PPP2R3A: variants seen among roughly 807,000 people sequenced by gnomAD.
The protein encoded by PPP2R3A is protein phosphatase 2 regulatory subunit B''alpha.
A neutral mutation model predicts 106.9 loss-of-function variants in PPP2R3A; 80 were observed. That is an observed-to-expected ratio of 0.75 (90% CI 0.62 to 0.90). PPP2R3A has a LOEUF of 0.90. Ranked by LOEUF, PPP2R3A falls within the 40% of genes least tolerant of loss-of-function variation. The probability of loss-of-function intolerance (pLI) is 0.00; values close to 1 mark genes in which losing one functional copy is unlikely to be tolerated. For missense variants in PPP2R3A, 1,386 were observed against 1,350.4 expected (o/e 1.03, Z -0.41); for synonymous variants, 483 against 468.3 (o/e 1.03, Z -0.41).
intron 6 of PPP2R3A, among the ~76,000 whole-genome samples, chr3:136,073,904 A>T (rs1418093270): frequency 6.6e-6 from 1 of 152,228 alleles, no homozygotes; most frequent in Non-Finnish European, 1.5e-5. Context: ...GTTGTTAGAC[A>T]TAAAAGTGAC....
rs758084616 is a variant in PPP2R3A, at chr3:136,090,606, A to G, written c.2866A>G (p.Met956Val). 9 of 1,613,586 alleles carry G rather than the reference A, an allele frequency of 5.6e-6. No individual in the cohort carries two copies. In the African/African-American group the frequency reaches 1.1e-4, roughly 19 times the overall value. Residue 956 changes from methionine (M) to valine (V), a missense_variant, in exon 10 of 14, where the codon ATG becomes GTG. By Grantham distance (21) the Met-to-Val change is conservative. Coordinates refer to ENST00000264977, the MANE Select transcript of PPP2R3A (RefSeq NM_002718.5). ...AAAAACAATACAGAAAGAGGGAAGA[A>G]TGAGCTATGCAGATTTTGTTTGGTT... ...RGKTIQKEGR[M>V]SYADFVWFLI...
At chr3:136,133,630 G>C (rs184942701) in intron 13 of PPP2R3A, among the ~76,000 whole-genome samples, 3 of 152,056 alleles carry the variant, frequency 2.0e-5, no homozygotes, top group Admixed American at 2.0e-4. Context: ...ATCTACCTAA[G>C]AGAAAAGCTC....
chr3:136,013,000 T>G (rs1480117568), intron 2 of PPP2R3A, among the ~76,000 whole-genome samples: 1 of 152,208 alleles, frequency 6.6e-6, no homozygotes, highest in Non-Finnish European at 1.5e-5. Context: ...CTTATGCCTT[T>G]GCATCCTCAT....
intron 4 of PPP2R3A, among the ~76,000 whole-genome samples, chr3:136,043,871 T>C (rs1032174837): frequency 4.6e-5 from 7 of 152,240 alleles, no homozygotes; most frequent in Non-Finnish European, 1.0e-4. Flanking sequence ...TTCATGACTT[T>C]TATCATCTTT....
At position 136,062,351 on chromosome 3, in the gene PPP2R3A, G is replaced by A. The variant is rs1487718313; in HGVS notation, c.2470-8127G>A. On this transcript the variant is annotated intron_variant, in intron 5 of 13. Coordinates refer to ENST00000264977, the MANE Select transcript of PPP2R3A (RefSeq NM_002718.5). The stretch of plus-strand genomic sequence containing the variant: ...CAGCCAGTTCAGAAGAGAGAAGGTG[G>A]TAAAATTCCTCCAAGCAGGTCTTCT... Among the ~76,000 whole-genome samples, 3 of 152,236 alleles carry A rather than the reference G, an allele frequency of 2.0e-5. No individual in the cohort carries two copies. The East Asian group carries it at 5.8e-4, about 29-fold the overall frequency.
At chr3:136,059,655 C>A (rs1235828522) in intron 5 of PPP2R3A, among the ~76,000 whole-genome samples, 1 of 152,214 alleles carries the variant, frequency 6.6e-6, no homozygotes, top group Non-Finnish European at 1.5e-5. Flanking sequence ...ATAAATCATT[C>A]TCTTATGAAG....
chr3:136,072,414 A>C (rs1576480677), intron 6 of PPP2R3A, among the ~76,000 whole-genome samples: 1 of 152,288 alleles, frequency 6.6e-6, no homozygotes, highest in Admixed American at 6.5e-5. Context: ...CAACATGGTG[A>C]AACCCCGTCT....
At chr3:136,015,975 G>A (rs1466813435) in intron 2 of PPP2R3A, among the ~76,000 whole-genome samples, 1 of 151,890 alleles carries the variant, frequency 6.6e-6, no homozygotes, top group African/African-American at 2.4e-5. Context: ...TTTAATCTTA[G>A]CACCACTTTT....
chr3:136,016,425 C>T (rs1934269587), intron 2 of PPP2R3A, among the ~76,000 whole-genome samples: 1 of 152,032 alleles, frequency 6.6e-6, no homozygotes, highest in Admixed American at 6.6e-5. Flanking sequence ...TATTAAAGTC[C>T]CCCACTATTA....
intron 13 of PPP2R3A, among the ~76,000 whole-genome samples, chr3:136,109,811 C>T (rs1195008188): frequency 2.0e-5 from 3 of 152,116 alleles, no homozygotes; most frequent in Non-Finnish European, 4.4e-5. Flanking sequence ...AGAAGGAAAG[C>T]AGATGGGATC....
At chr3:135,975,822 A>G (rs960737061) in intron 1 of PPP2R3A, among the ~76,000 whole-genome samples, 1 of 152,076 alleles carries the variant, frequency 6.6e-6, no homozygotes, top group African/African-American at 2.4e-5. Context: ...ATCTGTACTA[A>G]TATTACATAT....
intron 6 of PPP2R3A, among the ~76,000 whole-genome samples, chr3:136,075,982 G>A (rs1270740343): frequency 1.3e-5 from 2 of 152,104 alleles, no homozygotes; most frequent in African/African-American, 4.8e-5. Flanking sequence ...ACAGTATTGA[G>A]TAAGACATGT....
At chr3:136,013,057 A>G (rs1934137506) in intron 2 of PPP2R3A, among the ~76,000 whole-genome samples, 1 of 152,122 alleles carries the variant, frequency 6.6e-6, no homozygotes, top group Non-Finnish European at 1.5e-5. Context: ...TTGGCTTTCC[A>G]TTCCTGAGTT....
chr3:136,051,055 A>G (rs887871432), intron 5 of PPP2R3A, among the ~76,000 whole-genome samples: 2 of 152,214 alleles, frequency 1.3e-5, no homozygotes, highest in African/African-American at 4.8e-5. Context: ...GTTACATATC[A>G]GTATTGCACC....
At chr3:135,996,093 C>G (rs1933385812) in intron 1 of PPP2R3A, among the ~76,000 whole-genome samples, 1 of 152,090 alleles carries the variant, frequency 6.6e-6, no homozygotes. Context: ...ACAGTTCTGC[C>G]TGACCAATAG....
At position 136,146,995 on chromosome 3, in the gene PPP2R3A, T is replaced by C. The variant is rs1046073694; in HGVS notation, c.*1829T>C. ...ATTTTACAATATACATTTTTTTTTT[T>C]AACTATTTGGCTTTACCTTTTTACC... On this transcript the variant is annotated 3_prime_UTR_variant, in exon 14 of 14. Coordinates refer to ENST00000264977, the MANE Select transcript of PPP2R3A (RefSeq NM_002718.5). 6.6e-6 allele frequency: 1 copy of C among 152,038 alleles called. No individual in the cohort carries two copies. Among genetic ancestry groups the C allele is most frequent in the Non-Finnish European group, 1.5e-5 (1 of 67,996 alleles). The allele number at this position is 152,038 out of a possible 1,614,324, so 9.4% of individuals were successfully genotyped here.
intron 10 of PPP2R3A, among the ~76,000 whole-genome samples, chr3:136,093,817 G>A (rs958025203): frequency 6.6e-5 from 10 of 152,292 alleles, no homozygotes; most frequent in African/African-American, 2.2e-4. Context: ...TGGTGCAGCC[G>A]TTACAGAAAA....
rs369129067 is a variant in PPP2R3A at position 136,040,851 on chromosome 3, A to C, written c.2263-8A>C. ...TTGGCTTACCCTGTATGTGTTTTCTATTTGCAGGTCTGTGGCTGTCCTCTC... is the reference window on the plus strand; with the variant it reads ...TTGGCTTACCCTGTATGTGTTTTCTCTTTGCAGGTCTGTGGCTGTCCTCTC... On this transcript the variant is annotated splice_region_variant and splice_polypyrimidine_tract_variant and intron_variant, in intron 3 of 13. Coordinates refer to ENST00000264977, the MANE Select transcript of PPP2R3A (RefSeq NM_002718.5). The C allele has an allele frequency of 3.7e-6, 6 of 1,608,052 alleles. No homozygotes were observed. The highest frequency in any genetic ancestry group is 2.2e-5 in the South Asian group (2 of 89,588).
At chr3:136,107,955 G>A (rs533113303) in intron 13 of PPP2R3A, among the ~76,000 whole-genome samples, 1 of 152,312 alleles carries the variant, frequency 6.6e-6, no homozygotes, top group African/African-American at 2.4e-5. Context: ...ACTCATGGCT[G>A]TAATCCCAGC....
Sources: allele counts gnomAD v4.1 joint callset (sites outside exome capture counted in the v4.1 genomes callset), GRCh38; gene constraint gnomAD v4.1.1; transcripts MANE v1.5; gene names NCBI Gene and HGNC (gene_info 2026-07-23, HGNC 2026-07-21).